PCDHGB2: variants seen among roughly 807,000 people sequenced by gnomAD.
The protein encoded by PCDHGB2 is protocadherin gamma-B2.
A neutral mutation model predicts 59.3 loss-of-function variants in PCDHGB2; 55 were observed. The ratio of observed to expected loss-of-function variants is 0.93; its 90% confidence interval spans 0.75 to 1.16. PCDHGB2 has a LOEUF of 1.16. Ranked by LOEUF, PCDHGB2 falls within the 50% of genes most tolerant of loss-of-function variation. The probability of loss-of-function intolerance (pLI) is 0.00; values close to 1 mark genes in which losing one functional copy is unlikely to be tolerated. For synonymous variants in PCDHGB2, 516 were observed against 512.0 expected (o/e 1.01, Z -0.11); for missense variants, 1,228 against 1,198.5 (o/e 1.02, Z -0.36).
chr5:141,395,055 G>T, intron 1 of PCDHGB2: 1 of 1,614,178 alleles, frequency 6.2e-7, no homozygotes, highest in African/African-American at 1.3e-5. Context: ...GGAGGTACAG[G>T]CTTTCCTGCA....
intron 1 of PCDHGB2, chr5:141,416,489 G>A (rs2096031582): frequency 1.3e-5 from 2 of 152,158 alleles, no homozygotes; most frequent in Admixed American, 1.3e-4. Context: ...GAGAACAGGA[G>A]CAAGAGATAT....
intron 3 of PCDHGB2, among the ~76,000 whole-genome samples, chr5:141,510,054 G>A (rs1166696269): frequency 1.3e-5 from 2 of 152,180 alleles, no homozygotes; most frequent in Non-Finnish European, 2.9e-5. Context: ...AAAAGTGATT[G>A]TGCATGTGAA....
intron 1 of PCDHGB2, chr5:141,375,921 A>G: frequency 6.2e-7 from 1 of 1,613,712 alleles, no homozygotes; most frequent in Admixed American, 1.7e-5. Context: ...AAGGCCAGCG[A>G]GCCAGGACTT....
At chr5:141,422,747 C>T (rs1381295469) in intron 1 of PCDHGB2, 2 of 1,611,224 alleles carry the variant, frequency 1.2e-6, no homozygotes, top group Non-Finnish European at 1.7e-6. Context: ...TCCTATGTCT[C>T]TATTAACTCC....
intron 1 of PCDHGB2, chr5:141,400,244 C>T (rs765839538): frequency 1.9e-6 from 3 of 1,613,928 alleles, no homozygotes; most frequent in East Asian, 4.5e-5. Flanking sequence ...GTGATTCTGG[C>T]CGTTGCCTTG....
Position 141,374,101 on chromosome 5 carries a change from G to C in PCDHGB2, c.2421+11545G>C, listed in dbSNP as rs752730619. ...AGCCAGTAATGGCGCCTCCGCAGAG[G>C]CATCCGCAGCGCAGCGAGCAGGTCC... On this transcript the variant is annotated intron_variant, in intron 1 of 3. Coordinates refer to ENST00000522605, the MANE Select transcript of PCDHGB2 (RefSeq NM_018923.3). 1 of 1,565,508 alleles carries C rather than the reference G, an allele frequency of 6.4e-7. No homozygotes were observed. Among genetic ancestry groups the C allele is most frequent in the Admixed American group, 1.9e-5 (1 of 53,132 alleles).
In PCDHGB2 at chr5:141,382,919, G is replaced by A. The variant is rs1467219150; in HGVS notation, c.2421+20363G>A. 14 of 1,559,330 alleles carry A rather than the reference G, an allele frequency of 9.0e-6. No homozygotes were observed. Among genetic ancestry groups the A allele is most frequent in the Non-Finnish European group, 1.1e-5 (13 of 1,152,236 alleles). ...ACGACTATGGCGGCTCAGCCGAGGG[G>A]CGGGGACTACAGAGGATTCTTCCTG... On this transcript the variant is annotated intron_variant, in intron 1 of 3. Coordinates refer to ENST00000522605, the MANE Select transcript of PCDHGB2 (RefSeq NM_018923.3).
intron 1 of PCDHGB2, chr5:141,388,189 G>A: frequency 1.3e-6 from 2 of 1,542,748 alleles, no homozygotes; most frequent in Admixed American, 1.7e-5. Context: ...AAGCCAGCTT[G>A]TGCTCTGGAA....
At position 141,408,409 on chromosome 5, in the gene PCDHGB2, C is replaced by G. The variant is rs780778580; in HGVS notation, c.2421+45853C>G. On this transcript the variant is annotated intron_variant, in intron 1 of 3. Coordinates refer to ENST00000522605, the MANE Select transcript of PCDHGB2 (RefSeq NM_018923.3). ...TGTCGGCTCGCAAGCTGCGAGTGAGCGCGGAGAAGCTGCACTTCAGCGTAG... is the reference window on the plus strand; with the variant it reads ...TGTCGGCTCGCAAGCTGCGAGTGAGGGCGGAGAAGCTGCACTTCAGCGTAG... 3.1e-6 allele frequency: 5 copies of G among 1,613,884 alleles called. No individual in the cohort carries two copies. In the East Asian group the frequency reaches 1.1e-4, roughly 36 times the overall value.
chr5:141,445,093 A>G (rs987863232), intron 1 of PCDHGB2, among the ~76,000 whole-genome samples: 2 of 152,168 alleles, frequency 1.3e-5, no homozygotes, highest in Non-Finnish European at 2.9e-5. Flanking sequence ...TACATATTTG[A>G]TGTTTTCTAA....
intron 1 of PCDHGB2, chr5:141,399,490 G>A (rs750081604): frequency 1.1e-5 from 17 of 1,614,036 alleles, no homozygotes; most frequent in Non-Finnish European, 1.4e-5. Flanking sequence ...GTCCTACTTA[G>A]TCAGTGTACC....
In PCDHGB2 at chr5:141,477,176, G is replaced by C. The variant is rs766547728; in HGVS notation, c.2422-17631G>C. On this transcript the variant is annotated intron_variant, in intron 1 of 3. Coordinates refer to ENST00000522605, the MANE Select transcript of PCDHGB2 (RefSeq NM_018923.3). This position sits in a 1 kb window ranked among gnomAD's most constrained non-coding sequence, Gnocchi z 4.9. ...GAATGACAACGCCCCGGAGATCACAGTCACCTCCGTGTACAGCCCAGTACC... is the reference window on the plus strand; with the variant it reads ...GAATGACAACGCCCCGGAGATCACACTCACCTCCGTGTACAGCCCAGTACC... The C allele has an allele frequency of 1.2e-6, 2 of 1,614,206 alleles. No individual in the cohort carries two copies. The highest frequency in any genetic ancestry group is 3.3e-5 in the Admixed American group (2 of 60,024).
At chr5:141,459,568 CAG>C (rs930633590) in intron 1 of PCDHGB2, among the ~76,000 whole-genome samples, 1 of 152,152 alleles carries the variant, frequency 6.6e-6, no homozygotes, top group Non-Finnish European at 1.5e-5. Context: ...TACCCCAAAA[CAG>C]AATTGTTTTG....
chr5:141,455,143 T>C (rs984886337), intron 1 of PCDHGB2, among the ~76,000 whole-genome samples: 1 of 149,894 alleles, frequency 6.7e-6, no homozygotes, highest in Non-Finnish European at 1.5e-5. Flanking sequence ...CTGTGTTAAA[T>C]AAATATTAGT....
intron 1 of PCDHGB2, among the ~76,000 whole-genome samples, chr5:141,405,666 C>T (rs752033736): frequency 3.3e-5 from 5 of 152,198 alleles, no homozygotes; most frequent in Admixed American, 6.5e-5. Flanking sequence ...TTAGTAGAGA[C>T]GGGGTGTCAC....
intron 1 of PCDHGB2, chr5:141,421,232 C>G (rs748347420): frequency 1.3e-6 from 2 of 1,590,370 alleles, no homozygotes; most frequent in Non-Finnish European, 1.7e-6. Context: ...CCTGCCATGG[C>G]GAATCGGCTA....
intron 1 of PCDHGB2, chr5:141,414,836 T>C: frequency 6.2e-7 from 1 of 1,614,222 alleles, no homozygotes; most frequent in Non-Finnish European, 8.5e-7. Context: ...TCGTTGAGCC[T>C]GTTTGTGCTG....
intron 1 of PCDHGB2, chr5:141,383,573 C>T: frequency 8.1e-6 from 13 of 1,613,346 alleles, no homozygotes; most frequent in Non-Finnish European, 1.1e-5. Context: ...CGATCCAGCA[C>T]CGCCCACATC....
chr5:141,410,505 A>T (rs2095401601), intron 1 of PCDHGB2: 1 of 1,613,848 alleles, frequency 6.2e-7, no homozygotes, highest in Non-Finnish European at 8.5e-7. Flanking sequence ...AATTTCCTAA[A>T]ATGCAGTGTG....
Sources: allele counts gnomAD v4.1 joint callset (sites outside exome capture counted in the v4.1 genomes callset), GRCh38; gene constraint gnomAD v4.1.1; non-coding constraint Gnocchi (gnomAD v3.1); transcripts MANE v1.5; gene names NCBI Gene and HGNC (gene_info 2026-07-23, HGNC 2026-07-21).